LYST: variants seen among roughly 807,000 people sequenced by gnomAD.
LYST encodes lysosomal-trafficking regulator.
A neutral mutation model predicts 413.6 loss-of-function variants in LYST; 192 were observed. The observed-to-expected ratio is 0.46, with a 90% CI of 0.41 to 0.52. LYST has a LOEUF of 0.52. Ranked by LOEUF, LYST falls within the 20% of genes least tolerant of loss-of-function variation. LYST has a pLI of 0.00. For synonymous variants in LYST, 1,525 were observed against 1,567.3 expected, an observed-to-expected ratio of 0.97 and a Z score of 0.64; for missense variants, 3,815 against 4,499.9, an observed-to-expected ratio of 0.85 and a Z score of 4.35.
At chr1:235,830,488 TA>T (rs1675855183) in intron 2 of LYST, 64 bp from the exon 3 acceptor site, 1 of 1,278,420 alleles carries the variant, frequency 7.8e-7, no homozygotes, top group Non-Finnish European at 1.1e-6. Context: ...CTTTTAAAAC[TA>T]TGTGTTTTTG....
chr1:235,745,009 T>A (rs1355938985), intron 29 of LYST, among the ~76,000 whole-genome samples: 1 of 152,230 alleles, frequency 6.6e-6, no homozygotes, highest in East Asian at 1.9e-4. Flanking sequence ...TTCTTTTTCC[T>A]GTCTTCCTCG....
intron 22 of LYST, among the ~76,000 whole-genome samples, chr1:235,762,311 T>C (rs565457259): frequency 9.5e-4 from 145 of 152,270 alleles, no homozygotes; most frequent in African/African-American, 3.4e-3. Context: ...CCAAGACAGA[T>C]GCATGCAGAG....
At chr1:235,702,251 C>T (rs938361717) in intron 45 of LYST, among the ~76,000 whole-genome samples, 2 of 152,164 alleles carry the variant, frequency 1.3e-5, no homozygotes, top group African/African-American at 4.8e-5. Flanking sequence ...TTTTTGGAGG[C>T]AATACTTCTT....
intron 46 of LYST, among the ~76,000 whole-genome samples, chr1:235,694,014 T>C (rs1346768995): frequency 3.4e-5 from 5 of 148,380 alleles, no homozygotes; most frequent in East Asian, 1.9e-4. Context: ...TCTTCTTCTT[T>C]TTTTTTTTTT....
Position 235,792,003 on chromosome 1 carries a change from CT to C in LYST, c.4238del (p.Lys1413SerfsTer6). On this transcript the variant is annotated frameshift_variant, in exon 12 of 53. Coordinates refer to ENST00000389793, the MANE Select transcript of LYST (RefSeq NM_000081.4). LOFTEE classifies it high-confidence loss of function. ...PNLSNGVSSQKYPGILNSKAM... is the reference protein window; with the variant it reads ...PNLSNGVSSQXYPGILNSKAM... The stretch of plus-strand genomic sequence containing the variant: ...CCTTACTGTTTAAAATCCCAGGATA[CT>C]TTTGTGATGAAACACCGTTGCTTAA... The C allele has an allele frequency of 6.2e-7, 1 of 1,614,068 alleles. No individual in the cohort carries two copies. The highest frequency in any genetic ancestry group is 1.7e-5 in the Admixed American group (1 of 60,010).
chr1:235,843,042 TCTGTGTTCTAGACAATG>T (rs1677393939), intron 1 of LYST, among the ~76,000 whole-genome samples: 2 of 152,184 alleles, frequency 1.3e-5, no homozygotes, highest in Non-Finnish European at 2.9e-5. Context: ...CCTTGTCATG[TCTGTGTTCTAGACAATG>T]CTACCAAGGA....
chr1:235,701,257 G>A (rs925031707), intron 45 of LYST, among the ~76,000 whole-genome samples: 5 of 152,268 alleles, frequency 3.3e-5, no homozygotes, highest in Admixed American at 6.5e-5. Flanking sequence ...AACAGCTAAC[G>A]AGCAGTAAGT....
At chr1:235,866,210 A>G (rs937462400) in intron 1 of LYST, among the ~76,000 whole-genome samples, 5 of 152,172 alleles carry the variant, frequency 3.3e-5, no homozygotes, top group Admixed American at 3.3e-4. Context: ...GTCAGGCTCC[A>G]GTGATACCGG....
intron 13 of LYST, 21 bp downstream of exon 13, chr1:235,788,680 G>A (rs780823645): frequency 6.8e-6 from 11 of 1,609,652 alleles, no homozygotes; most frequent in African/African-American, 1.3e-5. Flanking sequence ...CTATTCATGG[G>A]AGGCTGAGGA....
At chr1:235,700,854 C>T (rs768493053) in intron 45 of LYST, among the ~76,000 whole-genome samples, 3 of 152,126 alleles carry the variant, frequency 2.0e-5, no homozygotes, top group Non-Finnish European at 4.4e-5. Context: ...AGACAAAGTC[C>T]TTGTGTTTAT....
At chr1:235,819,925 C>T (rs1025231891) in intron 3 of LYST, among the ~76,000 whole-genome samples, 3 of 152,156 alleles carry the variant, frequency 2.0e-5, no homozygotes, top group African/African-American at 7.2e-5. Flanking sequence ...GGATTACAGG[C>T]GTGAGCCACC....
intron 1 of LYST, among the ~76,000 whole-genome samples, chr1:235,844,451 C>T (rs939487798): frequency 1.3e-4 from 20 of 152,188 alleles, no homozygotes; most frequent in African/African-American, 4.3e-4. Context: ...TGATTAGTCA[C>T]TGGACTCTAC....
chr1:235,879,768 G>A (rs975205549), intron 1 of LYST, among the ~76,000 whole-genome samples: 3 of 148,818 alleles, frequency 2.0e-5, no homozygotes, highest in Non-Finnish European at 4.4e-5. Context: ...ACGGAGTCTC[G>A]CTCTGTCGCC....
intron 28 of LYST, among the ~76,000 whole-genome samples, chr1:235,749,332 C>A (rs997680530): frequency 2.0e-5 from 3 of 152,062 alleles, no homozygotes; most frequent in African/African-American, 7.2e-5. Context: ...TAGAAAGCAA[C>A]AACCGAACAC....
At chr1:235,878,502 T>C (rs1681236070) in intron 1 of LYST, among the ~76,000 whole-genome samples, 1 of 152,200 alleles carries the variant, frequency 6.6e-6, no homozygotes. Context: ...GCCGCCCTGC[T>C]TCCGCCATTG....
At chr1:235,843,377 G>C (rs1677437857) in intron 1 of LYST, among the ~76,000 whole-genome samples, 2 of 152,160 alleles carry the variant, frequency 1.3e-5, no homozygotes, top group Non-Finnish European at 2.9e-5. Context: ...TAGTGAAATA[G>C]GACCCAGAAG....
chr1:235,794,577 G>T (rs1038443686), intron 10 of LYST, among the ~76,000 whole-genome samples: 1 of 152,140 alleles, frequency 6.6e-6, no homozygotes, highest in African/African-American at 2.4e-5. Flanking sequence ...ACTTTGACCT[G>T]AAAGAAATAA....
At chr1:235,740,653 G>T (rs1665295348) in intron 31 of LYST, among the ~76,000 whole-genome samples, 1 of 152,152 alleles carries the variant, frequency 6.6e-6, no homozygotes, top group South Asian at 2.1e-4. Context: ...AGTCTATACA[G>T]ATTTCTCTCT....
intron 36 of LYST, 133 bp from the exon 37 acceptor site, chr1:235,729,790 T>G: frequency 1.5e-6 from 1 of 681,550 alleles, no homozygotes; most frequent in East Asian, 2.7e-5. Flanking sequence ...AGGTATCTTG[T>G]CGAAACCCAC....
Sources: gnomAD v4.1 joint callset for allele counts (sites outside exome capture counted in the v4.1 genomes callset) on GRCh38, gnomAD v4.1.1 for gene constraint, MANE v1.5 for transcripts, NCBI Gene and HGNC (gene_info 2026-07-23, HGNC 2026-07-21) for gene names.